The following RAP1A variants were observed in gnomAD, a reference collection of about 807,000 sequenced individuals.
RAP1A encodes the protein RAP1A, member of RAS oncogene family, also known as ras-related protein Rap-1A.
A neutral mutation model predicts 26.4 loss-of-function variants in RAP1A; 6 were observed. The ratio of observed to expected loss-of-function variants is 0.23; its 90% CI spans 0.12 to 0.45. The LOEUF is 0.45. Ranked by LOEUF, RAP1A falls within the 20% of genes least tolerant of loss-of-function variation. The probability of loss-of-function intolerance (pLI) is 0.99; values close to 1 mark genes in which losing one functional copy is unlikely to be tolerated. For synonymous variants in RAP1A, 73 were observed against 79.4 expected (o/e 0.92, Z 0.43); for missense variants, 121 against 217.2 (o/e 0.56, Z 2.78).
At chr1:111,605,375 T>C (rs1658750303) in intron 1 of RAP1A, among the ~76,000 whole-genome samples, 1 of 152,242 alleles carries the variant, frequency 6.6e-6, no homozygotes, top group Non-Finnish European at 1.5e-5. Context: ...AAATATTCAC[T>C]GAGGTCATCT....
intron 1 of RAP1A, among the ~76,000 whole-genome samples, chr1:111,678,710 A>G (rs1571553530): frequency 1.3e-5 from 2 of 152,186 alleles, no homozygotes; most frequent in South Asian, 2.1e-4. Context: ...CGTATATGTA[A>G]TAGAGTCTGT....
At chr1:111,622,551 C>T (rs913461494) in intron 1 of RAP1A, among the ~76,000 whole-genome samples, 3 of 152,194 alleles carry the variant, frequency 2.0e-5, no homozygotes, top group African/African-American at 7.2e-5. Flanking sequence ...TGTTTCTATC[C>T]TCTCACCCTA....
intron 1 of RAP1A, among the ~76,000 whole-genome samples, chr1:111,658,381 A>T (rs76065866): frequency 6.6e-6 from 1 of 152,184 alleles, no homozygotes; most frequent in East Asian, 1.9e-4. Context: ...AAATCATTCA[A>T]TTCAACCTTA....
chr1:111,700,176 A>G (rs533098746), intron 4 of RAP1A, among the ~76,000 whole-genome samples: 15 of 152,252 alleles, frequency 9.9e-5, no homozygotes, highest in African/African-American at 2.9e-4. Context: ...TTTAAATACA[A>G]TCTGTATGCT....
At chr1:111,688,685 C>A (rs982055358) in intron 1 of RAP1A, among the ~76,000 whole-genome samples, 54 of 151,916 alleles carry the variant, frequency 3.6e-4, no homozygotes, top group African/African-American at 1.2e-3. Flanking sequence ...GTAAGATTTT[C>A]TGGTTTTGAC....
chr1:111,573,761 T>A (rs994432966), intron 1 of RAP1A, among the ~76,000 whole-genome samples: 1 of 152,232 alleles, frequency 6.6e-6, no homozygotes, highest in Non-Finnish European at 1.5e-5. Flanking sequence ...TGTATGTCTT[T>A]TTTTGAAAAG....
At chr1:111,652,242 G>A (rs1285991040) in intron 1 of RAP1A, among the ~76,000 whole-genome samples, 1 of 152,190 alleles carries the variant, frequency 6.6e-6, no homozygotes, top group Non-Finnish European at 1.5e-5. Flanking sequence ...GCAAAGTGCT[G>A]GGATTATAGG....
chr1:111,614,357 C>G (rs1250085649), intron 1 of RAP1A, among the ~76,000 whole-genome samples: 1 of 152,172 alleles, frequency 6.6e-6, no homozygotes, highest in Admixed American at 6.5e-5. Flanking sequence ...GTATCCTTAG[C>G]AGGAAGCATA....
chr1:111,597,335 T>C (rs1241708005), intron 1 of RAP1A, among the ~76,000 whole-genome samples: 1 of 152,254 alleles, frequency 6.6e-6, no homozygotes, highest in Non-Finnish European at 1.5e-5. Context: ...AGGATCCTGC[T>C]TGTTTCCCAA....
chr1:111,632,468 G>T (rs1255393557), intron 1 of RAP1A, among the ~76,000 whole-genome samples: 1 of 152,102 alleles, frequency 6.6e-6, no homozygotes, highest in Non-Finnish European at 1.5e-5. Flanking sequence ...TTATGATACA[G>T]AATTTACCAT....
chr1:111,670,045 A>C (rs1278589647), intron 1 of RAP1A, among the ~76,000 whole-genome samples: 2 of 152,258 alleles, frequency 1.3e-5, no homozygotes, highest in African/African-American at 2.4e-5. Context: ...AGTGAAGCAA[A>C]GTTTTCAGAT....
At chr1:111,651,224 A>G (rs1210345400) in intron 1 of RAP1A, among the ~76,000 whole-genome samples, 1 of 152,106 alleles carries the variant, frequency 6.6e-6, no homozygotes, top group African/African-American at 2.4e-5. Flanking sequence ...TCCACATTGT[A>G]TTACTGTAAT....
intron 2 of RAP1A, among the ~76,000 whole-genome samples, chr1:111,694,764 C>T (rs1250884798): frequency 6.6e-6 from 1 of 152,120 alleles, no homozygotes; most frequent in African/African-American, 2.4e-5. Context: ...ACATAATAGA[C>T]ATTCAGTAAG....
At chr1:111,581,304 G>T (rs1393004659) in intron 1 of RAP1A, among the ~76,000 whole-genome samples, 1 of 152,136 alleles carries the variant, frequency 6.6e-6, no homozygotes, top group Non-Finnish European at 1.5e-5. Flanking sequence ...AGACTGGAGA[G>T]AGGGAATAAC....
intron 1 of RAP1A, among the ~76,000 whole-genome samples, chr1:111,620,841 G>C (rs1349908605): frequency 1.3e-5 from 2 of 152,140 alleles, no homozygotes; most frequent in African/African-American, 4.8e-5. Context: ...CTTCAGCCGA[G>C]TTGTGTAATT....
chr1:111,663,908 G>C (rs1193962751), intron 1 of RAP1A, among the ~76,000 whole-genome samples: 2 of 137,626 alleles, frequency 1.5e-5, no homozygotes, highest in Non-Finnish European at 3.2e-5. Flanking sequence ...CCTCCTAACT[G>C]ATCTTCCTTC....
rs757611549 is a variant in RAP1A at position 111,600,809 on chromosome 1, CA to C, written c.-28+58301del. 2.1e-4 allele frequency among the ~76,000 whole-genome samples: 32 copies of C among 152,352 alleles called. No individual in the cohort carries two copies. The East Asian group carries it at 2.9e-3, about 14-fold the overall frequency. On this transcript the variant is annotated intron_variant, in intron 1 of 7. Coordinates refer to the RAP1A transcript ENST00000356415. The stretch of plus-strand genomic sequence containing the variant: ...AAAGAAACTGCTTAAATAATTGTAT[CA>C]GACTAGTTTTAAAATCTATTGAGCT...
In RAP1A at chr1:111,648,174, AGTGT is replaced by A. The variant is rs143658994; in HGVS notation, c.-28+28267_-28+28270del. 879 of 230,750 alleles carry A rather than the reference AGTGT, an allele frequency of 3.8e-3. 11 individuals carry two copies. Among genetic ancestry groups the A allele is most frequent in the African/African-American group, 0.019 (765 of 40,418 alleles). 14.3% of individuals were successfully genotyped at this position (230,750 alleles called of 1,614,324 possible). ...GAGCCTCTGCCTCCCAGGTTCAAAC[AGTGT>A]GTGTGTGTGTGTGTGTGTGTGTGTG... On this transcript the variant is annotated intron_variant, in intron 1 of 7. Transcript: ENST00000369709.
chr1:111,663,228 G>C (rs568775966), intron 1 of RAP1A, among the ~76,000 whole-genome samples: 1 of 151,978 alleles, frequency 6.6e-6, no homozygotes, highest in Non-Finnish European at 1.5e-5. Flanking sequence ...CTTTGTTTTT[G>C]ATCAGAGGTT....
Sources: allele counts gnomAD v4.1 joint callset (sites outside exome capture counted in the v4.1 genomes callset), GRCh38; gene constraint gnomAD v4.1.1; transcripts MANE v1.5; gene names NCBI Gene and HGNC (gene_info 2026-07-23, HGNC 2026-07-21).